ALPK3: variants seen among roughly 807,000 people sequenced by gnomAD.
ALPK3 encodes alpha kinase 3.
Under a neutral mutation model 140.0 loss-of-function variants are expected in ALPK3, and 102 were observed. The ratio of observed to expected loss-of-function variants is 0.73; its 90% CI spans 0.62 to 0.86. The LOEUF is 0.86. ALPK3 is among the 40% of genes least tolerant of loss of function. ALPK3 has a pLI of 0.00. For synonymous variants in ALPK3, 938 were observed against 898.5 expected (o/e 1.04, Z -0.79); for missense variants, 2,254 against 2,208.2 (o/e 1.02, Z -0.42).
chr15:84,825,335 C>T (rs1342290020), intron 2 of ALPK3, among the ~76,000 whole-genome samples: 1 of 152,020 alleles, frequency 6.6e-6, no homozygotes, highest in Non-Finnish European at 1.5e-5. Flanking sequence ...TGCCACCACG[C>T]CTGGCTAATT....
chr15:84,849,099 G>C (rs946832435), intron 5 of ALPK3, among the ~76,000 whole-genome samples: 2 of 151,734 alleles, frequency 1.3e-5, no homozygotes, highest in Non-Finnish European at 2.9e-5. Context: ...TCGAGATCAC[G>C]CCATTGCACT....
chr15:84,823,578 G>C (rs1244166745), intron 2 of ALPK3, among the ~76,000 whole-genome samples: 1 of 152,060 alleles, frequency 6.6e-6, no homozygotes, highest in African/African-American at 2.4e-5. Context: ...ATTTGAGATG[G>C]GCACAGGATC....
At chr15:84,839,180 C>G (rs563601334) in intron 4 of ALPK3, 83 bp downstream of exon 4, 2 of 1,201,350 alleles carry the variant, frequency 1.7e-6, no homozygotes, top group Admixed American at 4.1e-5. Flanking sequence ...ATGGAGCAGT[C>G]TGGATGGAGA....
Position 84,858,132 on chromosome 15 carries a change from A to G in ALPK3, c.3394A>G (p.Ser1132Gly). ...CCCTGGACAGGGGCCCTCAGCAGAG[A>G]GCATAGCCCAGGAGCCCTCCCAAGA... ...AAPGQGPSAESIAQEPSQEEK... is the reference protein window; with the variant it reads ...AAPGQGPSAEGIAQEPSQEEK... Residue 1132 changes from serine (S) to glycine (G), a missense_variant, in exon 6 of 14, where the codon AGC (serine) becomes GGC (glycine). Physicochemically the swap from Ser to Gly is moderately conservative, Grantham distance 56. This residue lies in a region of ALPK3 where 2,088 missense variants were observed against 2,022.9 expected (regional missense o/e 1.03). Coordinates refer to ENST00000258888, the MANE Select transcript of ALPK3 (RefSeq NM_020778.5). The G allele has an allele frequency of 6.3e-7, 1 of 1,593,152 alleles. No homozygotes were observed. Among genetic ancestry groups the G allele is most frequent in the Non-Finnish European group, 8.5e-7 (1 of 1,172,070 alleles).
At chr15:84,853,837 C>CA (rs1963832829) in intron 5 of ALPK3, among the ~76,000 whole-genome samples, 1 of 151,792 alleles carries the variant, frequency 6.6e-6, no homozygotes, top group South Asian at 2.1e-4. Context: ...TTTCCCACAT[C>CA]GATAACATTC....
intron 5 of ALPK3, among the ~76,000 whole-genome samples, chr15:84,841,311 C>G (rs541604208): frequency 1.3e-5 from 2 of 152,104 alleles, no homozygotes; most frequent in African/African-American, 2.4e-5. Context: ...CAGGTGTGCG[C>G]TGTAGTGTAC....
chr15:84,820,691 A>C (rs1157587229), intron 1 of ALPK3, among the ~76,000 whole-genome samples: 1 of 152,200 alleles, frequency 6.6e-6, no homozygotes, highest in Non-Finnish European at 1.5e-5. Flanking sequence ...CCTGTTGGCC[A>C]GGCTGGTCTT....
At position 84,870,036 on chromosome 15, in the gene ALPK3, G is replaced by C. The variant is rs1964050695; in HGVS notation, c.*1580G>C. 1 of 152,198 alleles carries C rather than the reference G, an allele frequency of 6.6e-6. No homozygotes were observed. The highest frequency in any genetic ancestry group is 2.1e-4 in the South Asian group (1 of 4,828). 9.4% of individuals were successfully genotyped at this position (152,198 alleles called of 1,614,324 possible). On this transcript the variant is annotated 3_prime_UTR_variant, in exon 14 of 14. Transcript: ENST00000258888. ...AACACAAAGGAAGCCACCCAGGAAGGAAGCACAGAGCTGGGGGCTCTGGAA... is the reference window on the plus strand; with the variant it reads ...AACACAAAGGAAGCCACCCAGGAAGCAAGCACAGAGCTGGGGGCTCTGGAA...
chr15:84,840,942 G>A lies in ALPK3; in HGVS notation c.1653+10G>A, dbSNP rs771132487. On this transcript the variant is annotated intron_variant, in intron 5 of 13. Transcript: ENST00000258888. Reference sequence around the variant, plus strand: ...CAGGACTCCAGGAGAGGTAAGTGTGGGTGTTGGGTGCCTGGAGGCCGCTCT... The same window carrying A: ...CAGGACTCCAGGAGAGGTAAGTGTGAGTGTTGGGTGCCTGGAGGCCGCTCT... 2 of 1,547,828 alleles carry A rather than the reference G, an allele frequency of 1.3e-6. No homozygotes were observed. The highest frequency in any genetic ancestry group is 1.4e-5 in the African/African-American group (1 of 72,442).
chr15:84,823,442 CT>C, intron 2 of ALPK3, 74 bp downstream of exon 2: 4 of 1,549,816 alleles, frequency 2.6e-6, no homozygotes, highest in Non-Finnish European at 2.7e-6. Context: ...CACTGAGTGT[CT>C]GCTCGTGCAC....
At chr15:84,837,164 G>A (rs1963604613) in intron 3 of ALPK3, among the ~76,000 whole-genome samples, 1 of 152,178 alleles carries the variant, frequency 6.6e-6, no homozygotes, top group African/African-American at 2.4e-5. Context: ...GAATTTTTCT[G>A]TAAAGCAGAG....
intron 5 of ALPK3, among the ~76,000 whole-genome samples, chr15:84,844,406 C>CA (rs1225527458): frequency 1.3e-5 from 2 of 150,654 alleles, no homozygotes; most frequent in Non-Finnish European, 3.0e-5. Context: ...GATTCTGTCT[C>CA]AAAAAACAAA....
rs116805567 is a variant in ALPK3 at position 84,854,432 on chromosome 15, C to G, written c.1654-1960C>G. Among the ~76,000 whole-genome samples the G allele has an allele frequency of 2.9e-3, 448 of 152,112 alleles. 1 individual carries two copies. The highest frequency in any genetic ancestry group is 0.01 in the African/African-American group (417 of 41,492). On this transcript the variant is annotated intron_variant, in intron 5 of 13. Coordinates refer to ENST00000258888, the MANE Select transcript of ALPK3 (RefSeq NM_020778.5). ...CTCAGAGTAGCTAAGATTACAGATG[C>G]GCACCACCACGCCTGGCTAATTTTT...
In ALPK3 at chr15:84,857,584, C is replaced by T. The variant is rs369675490; in HGVS notation, c.2846C>T (p.Pro949Leu). 6.4e-7 allele frequency: 1 copy of T among 1,573,134 alleles called. No homozygotes were observed. Among genetic ancestry groups the T allele is most frequent in the African/African-American group, 1.4e-5 (1 of 74,050 alleles). The change falls in exon 6 of 14, where the codon CCC becomes CTC. Residue 949 changes from proline (P) to leucine (L), a missense_variant. Pro to Leu is a moderately conservative substitution (Grantham distance 98). Around this residue, in one of 3 missense-constraint regions of ALPK3, gnomAD observed 2,088 missense variants for 2,022.9 expected, o/e 1.03. Transcript: ENST00000258888. ...GATGTGGAGGGGCGGACCCCAGGTC[C>T]CCGGAGCTGTGACCCTGGCCTCATA... ...VPDVEGRTPG[P>L]RSCDPGLIDS...
At chr15:84,821,643 C>T (rs1297370379) in intron 1 of ALPK3, among the ~76,000 whole-genome samples, 1 of 152,032 alleles carries the variant, frequency 6.6e-6, no homozygotes, top group African/African-American at 2.4e-5. Flanking sequence ...GGGGCAGCAC[C>T]CTTCCTGCTT....
At chr15:84,863,014 G>C (rs1377117016) in intron 10 of ALPK3, 99 bp downstream of exon 10, 28 of 1,483,114 alleles carry the variant, frequency 1.9e-5, no homozygotes, top group Non-Finnish European at 2.5e-5. Flanking sequence ...GAGGCAGAAG[G>C]CATCTCAGTC....
chr15:84,818,640 G>A (rs1446093947), intron 1 of ALPK3, among the ~76,000 whole-genome samples: 3 of 152,218 alleles, frequency 2.0e-5, no homozygotes, highest in Non-Finnish European at 4.4e-5. Flanking sequence ...GGACATTCAG[G>A]AAAAGTCCTG....
intron 1 of ALPK3, among the ~76,000 whole-genome samples, chr15:84,818,579 C>G (rs1475942112): frequency 6.6e-6 from 1 of 152,180 alleles, no homozygotes; most frequent in African/African-American, 2.4e-5. Context: ...AAGAGGCTGT[C>G]CAGAGACCTC....
At chr15:84,817,664 G>T in intron 1 of ALPK3, 69 bp downstream of exon 1, 1 of 1,401,994 alleles carries the variant, frequency 7.1e-7, no homozygotes, top group Non-Finnish European at 9.3e-7. Flanking sequence ...TGTGAGGGCG[G>T]CCTGGCCCCT....
Sources: allele counts gnomAD v4.1 joint callset (sites outside exome capture counted in the v4.1 genomes callset), GRCh38; gene constraint gnomAD v4.1.1; regional missense constraint gnomAD v4.1.1; transcripts MANE v1.5; gene names NCBI Gene and HGNC (gene_info 2026-07-23, HGNC 2026-07-21).